RUVBL1: variants seen among roughly 807,000 people sequenced by gnomAD.
RUVBL1 encodes ruvB-like 1.
RUVBL1 carries 4 observed loss-of-function variants against 52.4 expected under a neutral mutation model. The ratio of observed to expected loss-of-function variants is 0.08; its 90% CI spans 0.04 to 0.17. The LOEUF (loss-of-function observed/expected upper bound fraction) is 0.17. RUVBL1 is among the 10% of genes least tolerant of loss of function. RUVBL1 has a pLI of 1.00. For missense variants in RUVBL1, 298 were observed against 572.8 expected (o/e 0.52, Z 4.90); for synonymous variants, 217 against 214.4 (o/e 1.01, Z -0.10).
chr3:128,096,355 C>G (rs1942969187), intron 8 of RUVBL1, among the ~76,000 whole-genome samples: 1 of 152,220 alleles, frequency 6.6e-6, no homozygotes, highest in South Asian at 2.1e-4. Context: ...GGAGAAAAAG[C>G]AACCGCAGGA....
chr3:128,133,740 A>G (rs1943911791), intron 1 of RUVBL1, among the ~76,000 whole-genome samples: 1 of 152,206 alleles, frequency 6.6e-6, no homozygotes, highest in African/African-American at 2.4e-5. Flanking sequence ...TACAACACTC[A>G]ATTCCCTTTG....
rs1942500469 is a variant in RUVBL1, at chr3:128,082,319, T to G, written c.1211+164A>C. 1.7e-6 allele frequency: 1 copy of G among 596,728 alleles called. No individual in the cohort carries two copies. The highest frequency in any genetic ancestry group is 1.9e-5 in the African/African-American group (1 of 53,638). The allele number at this position is 596,728 out of a possible 1,614,324, so 37.0% of individuals were successfully genotyped here. On this transcript the variant is annotated intron_variant, in intron 10 of 10. Coordinates refer to ENST00000322623, the MANE Select transcript of RUVBL1 (RefSeq NM_003707.3). The surrounding 1 kb of genome is among the most constrained non-coding windows in gnomAD (Gnocchi z 4.7). Reference sequence around the variant, plus strand: ...TTGTTAAAAACCATCAGATAGATCCTCTGCATTTGAAACTCAAGTGCCCTG... The same window carrying G: ...TTGTTAAAAACCATCAGATAGATCCGCTGCATTTGAAACTCAAGTGCCCTG...
chr3:128,079,395 AC>A (rs554999797), downstream of RUVBL1, among the ~76,000 whole-genome samples: 11 of 152,210 alleles, frequency 7.2e-5, no homozygotes, highest in Non-Finnish European at 1.5e-4. Flanking sequence ...TGGCCAAGGG[AC>A]TTGCCTCCTC....
intron 3 of RUVBL1, among the ~76,000 whole-genome samples, chr3:128,112,664 G>T (rs145756646): frequency 3.9e-5 from 6 of 152,038 alleles, no homozygotes; most frequent in Non-Finnish European, 7.4e-5. Flanking sequence ...ATGAAGAAGC[G>T]CAGGCTCACA....
chr3:128,102,997 T>C (rs1392752165), intron 4 of RUVBL1, among the ~76,000 whole-genome samples: 2 of 152,020 alleles, frequency 1.3e-5, no homozygotes, highest in Admixed American at 1.3e-4. Context: ...CAGGAAGGGG[T>C]CATGAGTACT....
intron 4 of RUVBL1, among the ~76,000 whole-genome samples, chr3:128,102,285 T>C (rs2107692360): frequency 6.6e-6 from 1 of 152,374 alleles, no homozygotes; most frequent in East Asian, 1.9e-4. Context: ...TAAATGAGAA[T>C]CTTTCCCAAG....
chr3:128,089,168 C>G (rs939669571), intron 8 of RUVBL1, among the ~76,000 whole-genome samples: 4 of 152,208 alleles, frequency 2.6e-5, no homozygotes, highest in Non-Finnish European at 5.9e-5. Flanking sequence ...TATTATTTTA[C>G]TTCTTTTTGA....
At chr3:128,092,486 A>G (rs995163865) in intron 8 of RUVBL1, among the ~76,000 whole-genome samples, 1 of 152,140 alleles carries the variant, frequency 6.6e-6, no homozygotes, top group Non-Finnish European at 1.5e-5. Context: ...ATATATAAAG[A>G]ACTCTTACAA....
chr3:128,104,511 C>T (rs1035548695), intron 4 of RUVBL1, among the ~76,000 whole-genome samples: 5 of 152,196 alleles, frequency 3.3e-5, no homozygotes, highest in Admixed American at 2.6e-4. Context: ...AGTTTCTTGA[C>T]TTAACCACAC....
chr3:128,132,156 G>C (rs1468143386), intron 1 of RUVBL1, among the ~76,000 whole-genome samples: 1 of 152,158 alleles, frequency 6.6e-6, no homozygotes, highest in East Asian at 1.9e-4. Context: ...GCAACACAAG[G>C]CAGAATTCAA....
At chr3:128,146,554 A>G (rs2999045) in intron 1 of RUVBL1, among the ~76,000 whole-genome samples, 24,757 of 83,586 alleles carry the variant, frequency 0.3, 4,300 homozygotes, top group South Asian at 0.38. Flanking sequence ...GTGCACGGGC[A>G]TGTGCATGTG....
chr3:128,143,415 C>T (rs1210737609), intron 1 of RUVBL1, among the ~76,000 whole-genome samples: 1 of 152,194 alleles, frequency 6.6e-6, no homozygotes, highest in Non-Finnish European at 1.5e-5. Flanking sequence ...TTGTGATTCG[C>T]CCTTCTCAGC....
chr3:128,087,719 T>C lies in RUVBL1; in HGVS notation c.1106A>G (p.Gln369Arg). 1 of 1,613,100 alleles carries C rather than the reference T, an allele frequency of 6.2e-7. No homozygotes were observed. The highest frequency in any genetic ancestry group is 8.5e-7 in the Non-Finnish European group (1 of 1,179,336). Residue 369 changes from glutamine (Q) to arginine (R), a missense_variant, in exon 9 of 11, where the codon CAG (glutamine) becomes CGG (arginine). Transcript: ENST00000322623. ...MIIRTMLYTP[Q>R]EMKQIIKIRA... ...AGGGAGGCTCACCTGTTTCATTTCC[T>C]GTGGAGTATACAGCATGGTCCGGAT...
At chr3:128,146,888 T>C (rs1186038889) in intron 1 of RUVBL1, among the ~76,000 whole-genome samples, 3 of 152,270 alleles carry the variant, frequency 2.0e-5, no homozygotes, top group Non-Finnish European at 2.9e-5. Flanking sequence ...TGCCTGCCAC[T>C]GTGCTGCTGT....
rs1270718797 is a variant in RUVBL1 at position 128,104,794 on chromosome 3, G to T, written c.492C>A (p.Ala164=). Residue 164 remains alanine (A), a synonymous_variant, in exon 4 of 11, where the codon GCC becomes GCA. Transcript: ENST00000322623. ...ISHVIIGLKT[A]KGTKQLKLDP... ...TCACTTTCAACTGTTTGGTTCCTTT[G>T]GCTGTTTTGAGTCCTATGATCACAT... 17 of 1,610,160 alleles carry T rather than the reference G, an allele frequency of 1.1e-5. No individual in the cohort carries two copies. Among genetic ancestry groups the T allele is most frequent in the Non-Finnish European group, 1.4e-5 (17 of 1,176,830 alleles).
chr3:128,099,283 T>G (rs1464133456), intron 6 of RUVBL1, among the ~76,000 whole-genome samples: 1 of 152,202 alleles, frequency 6.6e-6, no homozygotes, highest in South Asian at 2.1e-4. Flanking sequence ...TCAATGCTTT[T>G]GAGTCTATTC....
intron 1 of RUVBL1, chr3:128,142,025 A>T (rs1213027608): frequency 1.3e-5 from 2 of 152,278 alleles, no homozygotes; most frequent in Non-Finnish European, 2.9e-5. Context: ...ACTCACAGGA[A>T]CTGCTTTGGA....
rs146387473 is a variant in RUVBL1, at chr3:128,116,448, G to C, written c.228+2880C>G. ...GGAGGCTGAGGCAGGAGAATCGTTT[G>C]AACCTGGGAGGCAGAGATTGCAGTG... On this transcript the variant is annotated intron_variant, in intron 2 of 10. Transcript: ENST00000322623. Among the ~76,000 whole-genome samples the C allele has an allele frequency of 1.6e-3, 244 of 150,538 alleles. 1 individual carries two copies. Among genetic ancestry groups the C allele is most frequent in the African/African-American group, 5.5e-3 (226 of 40,944 alleles).
At chr3:128,065,634 T>G (rs1395970952) in intron 9 of RUVBL1, among the ~76,000 whole-genome samples, 1 of 152,174 alleles carries the variant, frequency 6.6e-6, no homozygotes, top group African/African-American at 2.4e-5. Context: ...AGCTACATGC[T>G]TTTCCCATTC....
Sources: allele counts gnomAD v4.1 joint callset (sites outside exome capture counted in the v4.1 genomes callset), GRCh38; gene constraint gnomAD v4.1.1; non-coding constraint Gnocchi (gnomAD v3.1); transcripts MANE v1.5; gene names NCBI Gene and HGNC (gene_info 2026-07-23, HGNC 2026-07-21).